TEC: variants seen among roughly 807,000 people sequenced by gnomAD.
The protein encoded by TEC is tec protein tyrosine kinase.
A neutral mutation model predicts 93.0 loss-of-function variants in TEC; 72 were observed. That is an observed-to-expected ratio of 0.77 (90% CI 0.64 to 0.94). The LOEUF is 0.94. Among genes scored for constraint, TEC ranks in the 40% least tolerant of loss-of-function variants. The probability of loss-of-function intolerance (pLI) is 0.00; values close to 1 mark genes in which losing one functional copy is unlikely to be tolerated. For synonymous variants in TEC, 249 were observed against 247.7 expected, an observed-to-expected ratio of 1.01 and a Z score of -0.05; for missense variants, 630 against 757.9, an observed-to-expected ratio of 0.83 and a Z score of 1.98.
chr4:48,156,660 C>A lies in TEC; in HGVS notation c.792+20G>T, dbSNP rs576196986. 6 of 1,598,554 alleles carry A rather than the reference C, an allele frequency of 3.8e-6. No homozygotes were observed. The East Asian group carries it at 9.0e-5, about 24-fold the overall frequency. On this transcript the variant is annotated intron_variant, in intron 9 of 17. Transcript: ENST00000381501. Reference sequence around the variant, plus strand: ...AAATTAATTTGCCCTTAAGCCAAACCCACAAGTACAAACACTTACTTCACT... The same window carrying A: ...AAATTAATTTGCCCTTAAGCCAAACACACAAGTACAAACACTTACTTCACT...
chr4:48,221,960 TA>T (rs1238326743), intron 2 of TEC, among the ~76,000 whole-genome samples: 2 of 152,140 alleles, frequency 1.3e-5, no homozygotes, highest in African/African-American at 4.8e-5. Context: ...CACAGATATG[TA>T]AATAGTCAGG....
At chr4:48,199,314 A>T (rs1722409469) in intron 2 of TEC, among the ~76,000 whole-genome samples, 1 of 152,134 alleles carries the variant, frequency 6.6e-6, no homozygotes, top group Non-Finnish European at 1.5e-5. Flanking sequence ...TACCCAGGCA[A>T]ACATCTCTCC....
At chr4:48,233,637 G>A in intron 1 of TEC, among the ~76,000 whole-genome samples, 1 of 128,948 alleles carries the variant, frequency 7.8e-6, no homozygotes, top group Non-Finnish European at 1.6e-5. Flanking sequence ...AAAAGAAAAT[G>A]TTAAAAAAAA....
At chr4:48,253,451 C>T (rs1724261284) in intron 1 of TEC, among the ~76,000 whole-genome samples, 1 of 152,240 alleles carries the variant, frequency 6.6e-6, no homozygotes, top group Admixed American at 6.5e-5. Context: ...ATAAAGTTTT[C>T]ATCCTGTCAT....
intron 17 of TEC, among the ~76,000 whole-genome samples, chr4:48,137,877 A>T (rs900520380): frequency 6.6e-6 from 1 of 152,054 alleles, no homozygotes; most frequent in African/African-American, 2.4e-5. Flanking sequence ...CACTGTCTCC[A>T]CTGTTGTGCA....
At chr4:48,169,052 G>C (rs1720994217) in intron 5 of TEC, among the ~76,000 whole-genome samples, 1 of 152,168 alleles carries the variant, frequency 6.6e-6, no homozygotes, top group Admixed American at 6.5e-5. Context: ...TTCCCAGCTA[G>C]GTGTGGCAAT....
chr4:48,233,743 A>G (rs1191877544), intron 1 of TEC, among the ~76,000 whole-genome samples: 1 of 151,984 alleles, frequency 6.6e-6, no homozygotes, highest in African/African-American at 2.4e-5. Context: ...AGGAGCTACT[A>G]GAAATCAAAA....
At chr4:48,258,425 G>A (rs1368693957) in intron 1 of TEC, among the ~76,000 whole-genome samples, 1 of 152,186 alleles carries the variant, frequency 6.6e-6, no homozygotes, top group Non-Finnish European at 1.5e-5. Context: ...TAACAAGAGA[G>A]CCACTAAGCC....
At chr4:48,145,655 C>A in intron 12 of TEC, 76 bp from the exon 13 acceptor site, 1 of 1,504,600 alleles carries the variant, frequency 6.6e-7, no homozygotes, top group South Asian at 1.2e-5. Context: ...GAAAAAGAAC[C>A]TACAACCAAG....
intron 2 of TEC, among the ~76,000 whole-genome samples, chr4:48,187,082 A>G (rs1279414193): frequency 1.3e-5 from 2 of 152,246 alleles, no homozygotes; most frequent in Non-Finnish European, 2.9e-5. Flanking sequence ...TTTGTTCTGT[A>G]CTAAGAAAAA....
At chr4:48,259,847 G>T (rs1724450557) in intron 1 of TEC, among the ~76,000 whole-genome samples, 2 of 152,054 alleles carry the variant, frequency 1.3e-5, no homozygotes, top group Admixed American at 1.3e-4. Flanking sequence ...CACCTTACTG[G>T]GCCATGATTA....
chr4:48,266,442 C>T lies in TEC; in HGVS notation c.-46+3310G>A, dbSNP rs879696121. ...GAGGAAAACGAAATTGACAAAATAC[C>T]TGGTCAATTGAGGGAGAATTTGGAA... On this transcript the variant is annotated intron_variant, in intron 1 of 17. Transcript: ENST00000381501. Among the ~76,000 whole-genome samples the T allele has an allele frequency of 6.6e-5, 10 of 152,290 alleles. 1 individual carries two copies. Among genetic ancestry groups the T allele is most frequent in the Admixed American group, 6.5e-4 (10 of 15,306 alleles).
rs1162239529 is a variant in TEC at position 48,214,319 on chromosome 4, A to G, written c.138+14158T>C. ...ACCAGAGGGGTGTACAAAGCCTCCC[A>G]CTTAAAAGGATTTGGGATGAGACTT... is the stretch of plus-strand genomic sequence containing the variant. On this transcript the variant is annotated intron_variant, in intron 2 of 17. Transcript: ENST00000381501. 2.0e-5 allele frequency among the ~76,000 whole-genome samples: 3 copies of G among 152,222 alleles called. No homozygotes were observed. In the South Asian group the frequency reaches 6.2e-4, roughly 31 times the overall value.
intron 2 of TEC, among the ~76,000 whole-genome samples, chr4:48,203,252 C>A (rs1722590979): frequency 6.6e-6 from 1 of 152,118 alleles, no homozygotes; most frequent in South Asian, 2.1e-4. Context: ...GTAATCCCAG[C>A]TACTGGGGAG....
In TEC at chr4:48,138,981, T is replaced by A; in HGVS notation, c.1577A>T (p.Lys526Met). 6.2e-7 allele frequency: 1 copy of A among 1,614,212 alleles called. No individual in the cohort carries two copies. Among genetic ancestry groups the A allele is most frequent in the Non-Finnish European group, 8.5e-7 (1 of 1,180,028 alleles). The part of the protein sequence containing the change: ...DDQYTSSSGA[K>M]FPVKWCPPEV... ...AGGTGGACACCACTTCACAGGAAAC[T>A]TAGCACCAGAAGAACTTGTGTACTG... Residue 526 changes from lysine to methionine, a missense_variant, in exon 16 of 18, where the codon AAG becomes ATG. Physicochemically the swap from Lys to Met is moderately conservative, Grantham distance 95. This residue lies in a region of TEC where 289 missense variants were observed against 390.0 expected (regional missense o/e 0.74). Coordinates refer to ENST00000381501, the MANE Select transcript of TEC (RefSeq NM_003215.3).
chr4:48,267,968 G>A (rs9994779), intron 1 of TEC, among the ~76,000 whole-genome samples: 52,619 of 152,068 alleles, frequency 0.35, 9,413 homozygotes, highest in Middle Eastern at 0.42. Context: ...CTGGATACCC[G>A]GAGAAAGGCA....
chr4:48,156,372 T>TGC (rs1263006814), intron 9 of TEC, among the ~76,000 whole-genome samples: 1 of 152,222 alleles, frequency 6.6e-6, no homozygotes, highest in Admixed American at 6.5e-5. Context: ...CATGTCCAGC[T>TGC]GCACATGTTT....
intron 8 of TEC, among the ~76,000 whole-genome samples, chr4:48,157,617 G>T (rs1400316279): frequency 6.7e-6 from 1 of 149,952 alleles, no homozygotes; most frequent in Admixed American, 6.6e-5. Flanking sequence ...CCAGGTTCAA[G>T]CAATTTTCCT....
intron 2 of TEC, among the ~76,000 whole-genome samples, chr4:48,178,202 G>A (rs534127659): frequency 2.5e-4 from 28 of 111,110 alleles, no homozygotes; most frequent in African/African-American, 7.8e-4. Context: ...AGAACCCAGC[G>A]GCCTCAAACT....
Sources: gnomAD v4.1 joint callset for allele counts (sites outside exome capture counted in the v4.1 genomes callset) on GRCh38, gnomAD v4.1.1 for gene constraint, gnomAD v4.1.1 regional missense constraint, MANE v1.5 for transcripts, NCBI Gene and HGNC (gene_info 2026-07-23, HGNC 2026-07-21) for gene names.